DCLK2: variants seen among roughly 807,000 people sequenced by gnomAD.
DCLK2 encodes the protein doublecortin like kinase 2, also known as serine/threonine-protein kinase DCLK2.
In DCLK2, 31 loss-of-function variants were observed where a neutral mutation model predicts 78.4. The observed-to-expected ratio is 0.40, with a 90% CI of 0.30 to 0.53. The LOEUF (loss-of-function observed/expected upper bound fraction) is 0.53. DCLK2 is among the 20% of genes least tolerant of loss of function. The probability of loss-of-function intolerance (pLI) is 0.61; values close to 1 mark genes in which losing one functional copy is unlikely to be tolerated. For missense variants in DCLK2, 872 were observed against 973.7 expected, an observed-to-expected ratio of 0.90 and a Z score of 1.39; for synonymous variants, 407 against 374.9, an observed-to-expected ratio of 1.09 and a Z score of -0.99.
intron 15 of DCLK2, among the ~76,000 whole-genome samples, chr4:150,250,513 T>A (rs1005666056): frequency 6.6e-6 from 1 of 151,064 alleles, no homozygotes; most frequent in Non-Finnish European, 1.5e-5. Flanking sequence ...CCCCACACAC[T>A]CCCAGGAGCA....
chr4:150,234,752 TA>T (rs77788835), intron 10 of DCLK2, among the ~76,000 whole-genome samples: 5,189 of 140,864 alleles, frequency 0.037, 237 homozygotes, highest in African/African-American at 0.11. Flanking sequence ...TGCTCTGTGT[TA>T]AAAAAAAAAA....
In DCLK2 at chr4:150,175,011, A is replaced by ATATATATAT. The variant is rs1553964170; in HGVS notation, c.757-18127_757-18126insTATATATAT. ...AGACTCCGTCGCAAAAAAAAAAAAA[A>ATATATATAT]ATATATATATATATATATATATTTA... On this transcript the variant is annotated intron_variant, in intron 2 of 15. Transcript: ENST00000296550. 2.7e-3 allele frequency among the ~76,000 whole-genome samples: 27 copies of ATATATATAT among 9,976 alleles called. 4 individuals carry two copies. Among genetic ancestry groups the ATATATATAT allele is most frequent in the African/African-American group, 6.6e-3 (25 of 3,794 alleles). The allele number at this position is 9,976 out of a possible 152,430, so 6.5% of individuals were successfully genotyped here.
intron 2 of DCLK2, among the ~76,000 whole-genome samples, chr4:150,106,561 A>G (rs1487920346): frequency 3.3e-5 from 5 of 152,210 alleles, no homozygotes; most frequent in African/African-American, 1.2e-4. Context: ...GTTGCTTCCT[A>G]CCCAGATTGG....
intron 2 of DCLK2, among the ~76,000 whole-genome samples, chr4:150,191,029 G>A (rs911679713): frequency 6.6e-6 from 1 of 152,092 alleles, no homozygotes; most frequent in Admixed American, 6.5e-5. Context: ...AGTAGGTTGA[G>A]GTAGGAGGAT....
At chr4:150,249,443 A>C in intron 14 of DCLK2, 125 bp from the exon 15 acceptor site, 4 of 723,610 alleles carry the variant, frequency 5.5e-6, no homozygotes, top group East Asian at 2.5e-5. Context: ...TTCTGTGGCT[A>C]AGAGGGGCCC....
At chr4:150,241,257 A>G (rs576884731) in intron 12 of DCLK2, among the ~76,000 whole-genome samples, 6 of 152,216 alleles carry the variant, frequency 3.9e-5, no homozygotes, top group Non-Finnish European at 5.9e-5. Flanking sequence ...CTTGGTAACC[A>G]TTTGCTTCAC....
intron 2 of DCLK2, among the ~76,000 whole-genome samples, chr4:150,172,760 TG>T (rs34505816): frequency 0.083 from 10,368 of 124,438 alleles, 867 homozygotes; most frequent in African/African-American, 0.2. Flanking sequence ...TTTTTTTTTT[TG>T]GGGGGGGGGG....
In DCLK2 at chr4:150,198,917, C is replaced by CCCCG. The variant is rs1553967945; in HGVS notation, c.961+817_961+818insGCCC. 3.2e-5 allele frequency: 19 copies of CCCCG among 592,298 alleles called. 1 individual carries two copies. In the African/African-American group the frequency reaches 3.5e-4, roughly 11 times the overall value. The allele number at this position is 592,298 out of a possible 1,614,324, so 36.7% of individuals were successfully genotyped here. ...GCCCTTTCCCCTTTCAGCACCCCCC[C>CCCCG]CCCCACTTTCTGTAGGGCAGGTCGT... On this transcript the variant is annotated intron_variant, in intron 4 of 15. Transcript: ENST00000296550.
chr4:150,244,596 A>T (rs17631959), intron 12 of DCLK2, among the ~76,000 whole-genome samples: 12,497 of 152,266 alleles, frequency 0.082, 825 homozygotes, highest in South Asian at 0.22. Flanking sequence ...CAAAGGCTAT[A>T]TTGTTTTAGA....
At chr4:150,139,663 C>G (rs1462391287) in intron 2 of DCLK2, among the ~76,000 whole-genome samples, 1 of 152,198 alleles carries the variant, frequency 6.6e-6, no homozygotes, top group African/African-American at 2.4e-5. Flanking sequence ...AGAAAAAAGT[C>G]AGCACATGCT....
At chr4:150,190,971 T>A (rs1434469484) in intron 2 of DCLK2, among the ~76,000 whole-genome samples, 2 of 151,766 alleles carry the variant, frequency 1.3e-5, no homozygotes, top group Non-Finnish European at 2.9e-5. Flanking sequence ...ATAAATAAAT[T>A]AAGATTTAGC....
At chr4:150,156,741 T>TTTTATTTATTTA (rs150434713) in intron 2 of DCLK2, among the ~76,000 whole-genome samples, 99 of 139,430 alleles carry the variant, frequency 7.1e-4, no homozygotes, top group East Asian at 5.6e-3. Flanking sequence ...GGAGTAACTA[T>TTTTATTTATTTA]TTTATTTATT....
In DCLK2 at chr4:150,181,313, G is replaced by C. The variant is rs567040531; in HGVS notation, c.757-11825G>C. 7.2e-5 allele frequency among the ~76,000 whole-genome samples: 11 copies of C among 152,246 alleles called. No individual in the cohort carries two copies. The South Asian group carries it at 2.3e-3, about 32-fold the overall frequency. On this transcript the variant is annotated intron_variant, in intron 2 of 15. Transcript: ENST00000296550. The stretch of plus-strand genomic sequence containing the variant: ...CTTCTTCACTTGGTGGAAAGCTCCA[G>C]AGTGGGTTTGAAACCTTTTCCTGTG...
rs1251560282 is a variant in DCLK2 at position 150,079,599 on chromosome 4, G to A, written c.421+151G>A. 6.4e-6 allele frequency: 5 copies of A among 783,396 alleles called. No homozygotes were observed. In the African/African-American group the frequency reaches 9.0e-5, roughly 14 times the overall value. The allele number at this position is 783,396 out of a possible 1,614,324, so 48.5% of individuals were successfully genotyped here. The stretch of plus-strand genomic sequence containing the variant: ...GCTTCTCTAGAGATTGGCTGGGGGT[G>A]GGGGCCGGTGGGGTGCCCACATACA... On this transcript the variant is annotated intron_variant, in intron 1 of 15. Transcript: ENST00000296550.
chr4:150,151,773 A>G (rs2150229810), intron 2 of DCLK2, among the ~76,000 whole-genome samples: 1 of 152,174 alleles, frequency 6.6e-6, no homozygotes, highest in Admixed American at 6.5e-5. Flanking sequence ...AAAAATACAA[A>G]AATTAGCCAG....
rs201080236 is a variant in DCLK2, at chr4:150,107,378, G to GTTTT, written c.756+4580_756+4583dup. 5.4e-3 allele frequency among the ~76,000 whole-genome samples: 676 copies of GTTTT among 125,154 alleles called. 22 individuals are homozygous for GTTTT. The highest frequency in any genetic ancestry group is 0.018 in the African/African-American group (575 of 31,738). 82.1% of individuals were successfully genotyped at this position (125,154 alleles called of 152,430 possible). A position where few individuals can be genotyped will look rare whatever the true frequency, so the allele number is the denominator to read the frequency against. On this transcript the variant is annotated intron_variant, in intron 2 of 15. Coordinates refer to ENST00000296550, the MANE Select transcript of DCLK2 (RefSeq NM_001040260.4). Reference sequence around the variant, plus strand: ...GGTTTGTAGGGTTTTTTTGGTTATTGTTTTTTTTTTTTTTTTTGGAGACAG... The same window carrying GTTTT: ...GGTTTGTAGGGTTTTTTTGGTTATTGTTTTTTTTTTTTTTTTTTTTTGGAGACAG...
At chr4:150,130,910 G>A (rs1733265141) in intron 2 of DCLK2, among the ~76,000 whole-genome samples, 1 of 151,998 alleles carries the variant, frequency 6.6e-6, no homozygotes, top group Non-Finnish European at 1.5e-5. Context: ...CTGTGTAGCT[G>A]GCTACAGGTC....
At chr4:150,119,817 A>T (rs1342049644) in intron 2 of DCLK2, among the ~76,000 whole-genome samples, 2 of 152,092 alleles carry the variant, frequency 1.3e-5, no homozygotes, top group African/African-American at 4.8e-5. Context: ...TGTCACTTTA[A>T]TCTTGAACTA....
chr4:150,112,630 T>A (rs1211720135), intron 2 of DCLK2, among the ~76,000 whole-genome samples: 2 of 151,532 alleles, frequency 1.3e-5, no homozygotes, highest in African/African-American at 4.9e-5. Context: ...GTTTTCTTTA[T>A]TTTTTTTATC....
Sources: gnomAD v4.1 joint callset for allele counts (sites outside exome capture counted in the v4.1 genomes callset) on GRCh38, gnomAD v4.1.1 for gene constraint, MANE v1.5 for transcripts, NCBI Gene and HGNC (gene_info 2026-07-23, HGNC 2026-07-21) for gene names.